Variants in FSCN2 observed in about 807,000 individuals in gnomAD.
FSCN2 encodes fascin actin-bundling protein 2, retinal.
In FSCN2, 46 loss-of-function variants were observed where a neutral mutation model predicts 37.8. The observed-to-expected ratio is 1.22, with a 90% CI of 0.96 to 1.56. The LOEUF (loss-of-function observed/expected upper bound fraction) is 1.56. Among genes scored for constraint, FSCN2 ranks in the 40% most tolerant of loss-of-function variants. The probability of loss-of-function intolerance (pLI) is 0.00; values close to 1 mark genes in which losing one functional copy is unlikely to be tolerated. For synonymous variants in FSCN2, 351 were observed against 309.4 expected, an observed-to-expected ratio of 1.13 and a Z score of -1.41; for missense variants, 844 against 730.4, an observed-to-expected ratio of 1.16 and a Z score of -1.79.
At chr17:81,531,963 ATAG>A (rs2032655654) in intron 1 of FSCN2, among the ~76,000 whole-genome samples, 6 of 110,438 alleles carry the variant, frequency 5.4e-5, no homozygotes, top group African/African-American at 2.1e-4. Context: ...GGTGATGGTG[ATAG>A]TGATGATAAT....
chr17:81,537,039 G>C lies in FSCN2; in HGVS notation c.1438G>C (p.Asp480His). Reference protein sequence around the residue: ...RGGASGLLRADADAPAGTALW... With the variant: ...RGGASGLLRAHADAPAGTALW... ...CGGCGCCTCGGGCCTGCTGCGGGCCGATGCCGACGCCCCGGCCGGGACCGC... is the reference window on the plus strand; with the variant it reads ...CGGCGCCTCGGGCCTGCTGCGGGCCCATGCCGACGCCCCGGCCGGGACCGC... The change falls in exon 5 of 5, where the codon GAT becomes CAT. Residue 480 changes from aspartate to histidine, a missense_variant. By Grantham distance (81) the Asp-to-His change is moderately conservative. Transcript: ENST00000417245. 3 of 1,478,252 alleles carry C rather than the reference G, an allele frequency of 2.0e-6. No individual in the cohort carries two copies. The highest frequency in any genetic ancestry group is 2.7e-6 in the Non-Finnish European group (3 of 1,121,802). The allele number at this position is 1,478,252 out of a possible 1,614,324, so 91.6% of individuals were successfully genotyped here.
the FSCN2 span, among the ~76,000 whole-genome samples, chr17:81,518,240 C>T: frequency 6.6e-6 from 1 of 152,158 alleles, no homozygotes; most frequent in Non-Finnish European, 1.5e-5. Flanking sequence ...ATGCCACCCA[C>T]GACCTCCCAT....
upstream of FSCN2, chr17:81,528,248 T>G (rs1431644896): frequency 1.1e-5 from 5 of 437,284 alleles, no homozygotes; most frequent in South Asian, 5.0e-5. Flanking sequence ...AATCCGGGAG[T>G]GGCTGAAATC....
chr17:81,523,895 A>G (rs1377337968), upstream of FSCN2: 1 of 152,340 alleles, frequency 6.6e-6, no homozygotes, highest in Non-Finnish European at 1.5e-5. Context: ...CACCAGCATC[A>G]GCGTTGCAGG....
At position 81,536,376 on chromosome 17, in the gene FSCN2, G is replaced by C. The variant is rs1279055352; in HGVS notation, c.1105+109G>C. 2.1e-6 allele frequency: 3 copies of C among 1,459,470 alleles called. No homozygotes were observed. The East Asian group carries it at 7.4e-5, about 36-fold the overall frequency. 90.4% of individuals were successfully genotyped at this position (1,459,470 alleles called of 1,614,324 possible). A position where few individuals can be genotyped will look rare whatever the true frequency, so the allele number is the denominator to read the frequency against. ...AGAGCTGGACCCTCCCCAGCCCACG[G>C]AACGGGTGCTGTCATGGAGTCATAC... On this transcript the variant is annotated intron_variant, in intron 3 of 4. Transcript: ENST00000417245.
At chr17:81,522,216 AGGC>A in the FSCN2 span, among the ~76,000 whole-genome samples, 3 of 152,186 alleles carry the variant, frequency 2.0e-5, no homozygotes, top group African/African-American at 7.2e-5. Context: ...CATGTTGGGC[AGGC>A]TGGTCTCGAA....
rs1555670684 is a variant in FSCN2, at chr17:81,528,963, G to A, written c.432G>A (p.Leu144=). 6.3e-7 allele frequency: 1 copy of A among 1,589,408 alleles called. No homozygotes were observed. Among genetic ancestry groups the A allele is most frequent in the African/African-American group, 1.3e-5 (1 of 74,562 alleles). Residue 144 remains leucine, a synonymous_variant, in exon 1 of 5, where the codon CTG becomes CTA. Coordinates refer to ENST00000417245, the MANE Select transcript of FSCN2 (RefSeq NM_012418.4). The stretch of plus-strand genomic sequence containing the variant: ...CCATCCACCCGCAGGCCCACCTGCT[G>A]AGCGTGAGCCGGCGGCGCTACGTGC... The part of the protein sequence containing the change: ...HLAIHPQAHL[L]SVSRRRYVHL...
the FSCN2 span, among the ~76,000 whole-genome samples, chr17:81,518,654 CG>C: frequency 6.6e-6 from 1 of 152,204 alleles, no homozygotes; most frequent in Non-Finnish European, 1.5e-5. Context: ...GGCAGCAGGC[CG>C]GGGAGCAGAT....
chr17:81,531,118 G>A (rs1028658353), intron 1 of FSCN2, among the ~76,000 whole-genome samples: 5 of 149,952 alleles, frequency 3.3e-5, no homozygotes, highest in Non-Finnish European at 7.4e-5. Context: ...GGTGAGGACG[G>A]TGGTGACAGT....
At chr17:81,516,291 C>T in the FSCN2 span, among the ~76,000 whole-genome samples, 2 of 152,204 alleles carry the variant, frequency 1.3e-5, no homozygotes, top group Non-Finnish European at 2.9e-5. Flanking sequence ...TGTCCCATGA[C>T]CGTGTAAGAT....
At chr17:81,535,506 A>C (rs1598580285) in intron 2 of FSCN2, among the ~76,000 whole-genome samples, 1 of 12,376 alleles carries the variant, frequency 8.1e-5, no homozygotes. Flanking sequence ...CATCACCACC[A>C]TCCCCATCTC....
Position 81,529,910 on chromosome 17 carries a change from C to T in FSCN2, c.826+553C>T, listed in dbSNP as rs760024910. 3.3e-5 allele frequency among the ~76,000 whole-genome samples: 5 copies of T among 152,226 alleles called. No homozygotes were observed. The South Asian group carries it at 8.3e-4, about 25-fold the overall frequency. On this transcript the variant is annotated intron_variant, in intron 1 of 4. Transcript: ENST00000417245. ...CTGCAAGCGCCGCCTCACGGGTTCA[C>T]GCCATTCTCCTGCCTCAGCCTCCCG...
chr17:81,535,256 C>CACCAT, intron 2 of FSCN2, 48 bp downstream of exon 2: 2 of 1,361,202 alleles, frequency 1.5e-6, no homozygotes, highest in Admixed American at 2.2e-5. Context: ...TCCCCACCAT[C>CACCAT]ACCATCCCCA....
chr17:81,531,717 GTGGTGA>G lies in FSCN2; in HGVS notation c.826+2375_826+2380del, dbSNP rs1190521673. Among the ~76,000 whole-genome samples the G allele has an allele frequency of 1.8e-4, 16 of 89,412 alleles. 3 individuals are homozygous for G. The highest frequency in any genetic ancestry group is 8.5e-4 in the South Asian group (2 of 2,348). The allele number at this position is 89,412 out of a possible 152,430, so 58.7% of individuals were successfully genotyped here. A position where few individuals can be genotyped will look rare whatever the true frequency, so the allele number is the denominator to read the frequency against. On this transcript the variant is annotated intron_variant, in intron 1 of 4. Coordinates refer to ENST00000417245, the MANE Select transcript of FSCN2 (RefSeq NM_012418.4). ...GGTGATGGTGATGATGATAGTGATG[GTGGTGA>G]TGGTGATGGTGATGATGGTGATGAT...
rs550871836 is a variant in FSCN2 at position 81,536,290 on chromosome 17, A to G, written c.1105+23A>G. 25 of 1,585,238 alleles carry G rather than the reference A, an allele frequency of 1.6e-5. No individual in the cohort carries two copies. In the South Asian group the frequency reaches 2.3e-4, roughly 15 times the overall value. Reference sequence around the variant, plus strand: ...TCGGTGAGCACTCTGCCTGCCAGGTACTGGGGCAGGGGCTGTCTCCACCCA... The same window carrying G: ...TCGGTGAGCACTCTGCCTGCCAGGTGCTGGGGCAGGGGCTGTCTCCACCCA... On this transcript the variant is annotated intron_variant, in intron 3 of 4. Transcript: ENST00000417245.
At chr17:81,519,937 A>G in the FSCN2 span, among the ~76,000 whole-genome samples, 2 of 152,182 alleles carry the variant, frequency 1.3e-5, no homozygotes, top group African/African-American at 4.8e-5. Flanking sequence ...GCTCCCAGAA[A>G]AGGAAAGGAA....
At chr17:81,518,910 G>A in the FSCN2 span, 2 of 152,304 alleles carry the variant, frequency 1.3e-5, no homozygotes, top group Admixed American at 1.3e-4. Context: ...CTTGTCTGCG[G>A]AGAATGGAGG....
upstream of FSCN2, among the ~76,000 whole-genome samples, chr17:81,526,264 T>C (rs1320255836): frequency 4.6e-5 from 7 of 151,934 alleles, no homozygotes; most frequent in Non-Finnish European, 1.0e-4. Context: ...GTGCCTGGGG[T>C]GGGGGGGACC....
chr17:81,532,752 A>T (rs1360944238), intron 1 of FSCN2, among the ~76,000 whole-genome samples: 1 of 144,854 alleles, frequency 6.9e-6, no homozygotes, highest in South Asian at 2.2e-4. Flanking sequence ...GATGACAGTG[A>T]TGATGGTGAT....
Sources: allele counts gnomAD v4.1 joint callset (sites outside exome capture counted in the v4.1 genomes callset), GRCh38; gene constraint gnomAD v4.1.1; transcripts MANE v1.5; gene names NCBI Gene and HGNC (gene_info 2026-07-23, HGNC 2026-07-21).